The following DNAH14 variants were observed in gnomAD, a reference collection of about 807,000 sequenced individuals.
DNAH14 encodes dynein axonemal heavy chain 14.
DNAH14 carries 478 observed loss-of-function variants against 520.9 expected under a neutral mutation model. The observed-to-expected ratio is 0.92, with a 90% CI of 0.85 to 0.99. The LOEUF (loss-of-function observed/expected upper bound fraction) is 0.99. DNAH14 is among the 50% of genes least tolerant of loss of function. The probability of loss-of-function intolerance (pLI) is 0.00; values close to 1 mark genes in which losing one functional copy is unlikely to be tolerated. For synonymous variants in DNAH14, 1,581 were observed against 1,757.2 expected, an observed-to-expected ratio of 0.90 and a Z score of 2.51; for missense variants, 4,831 against 5,234.5, an observed-to-expected ratio of 0.92 and a Z score of 2.38.
chr1:225,351,917 A>AGTATG (rs1441917104), intron 72 of DNAH14, 34 bp downstream of exon 72: 51 of 1,503,802 alleles, frequency 3.4e-5, no homozygotes, highest in Non-Finnish European at 4.3e-5. Context: ...ACCTAACTTA[A>AGTATG]GTATGTGTGT....
chr1:225,351,490 T>C (rs2095366141), intron 71 of DNAH14, among the ~76,000 whole-genome samples, 157 bp from the exon 72 acceptor site: 1 of 152,220 alleles, frequency 6.6e-6, no homozygotes. Flanking sequence ...AAAGTAGCTT[T>C]TTATATTTTA....
chr1:224,931,217 G>A (rs60249755), intron 1 of DNAH14, among the ~76,000 whole-genome samples: 2 of 152,010 alleles, frequency 1.3e-5, no homozygotes, highest in Non-Finnish European at 2.9e-5. Flanking sequence ...AATAGAATAA[G>A]GATATAAAGG....
At chr1:224,929,920 A>G (rs2058565729) in intron 1 of DNAH14, 85 bp downstream of exon 1, 1 of 567,338 alleles carries the variant, frequency 1.8e-6, no homozygotes, top group Non-Finnish European at 3.1e-6. Context: ...TCGCACTGGG[A>G]GGGCTGCGTG....
At position 225,186,038 on chromosome 1, in the gene DNAH14, GTTGATTTAT is replaced by G. The variant is rs2084685643; in HGVS notation, c.5670+615_5670+623del. On this transcript the variant is annotated intron_variant, in intron 37 of 85. Transcript: ENST00000682510. ...TTAACTGATTAATGTAATAAACTAT[GTTGATTTAT>G]TAATGTTAACTTGTCTTTGAATTCC... Among the ~76,000 whole-genome samples, 3 of 135,916 alleles carry G rather than the reference GTTGATTTAT, an allele frequency of 2.2e-5. No homozygotes were observed. The South Asian group carries it at 7.2e-4, about 33-fold the overall frequency. The allele number at this position is 135,916 out of a possible 152,430, so 89.2% of individuals were successfully genotyped here.
intron 69 of DNAH14, among the ~76,000 whole-genome samples, chr1:225,345,447 A>C (rs191190201): frequency 5.7e-4 from 87 of 152,386 alleles, no homozygotes; most frequent in African/African-American, 2.0e-3. Flanking sequence ...TTTATTATCT[A>C]TACTTTCTAG....
chr1:225,342,683 AACACACACACACACACAC>A (rs10572962), intron 69 of DNAH14, among the ~76,000 whole-genome samples: 5 of 148,132 alleles, frequency 3.4e-5, no homozygotes, highest in African/African-American at 1.2e-4. Context: ...ATTTCTCATA[AACACACACACACACACAC>A]ACACACACAC....
intron 1 of DNAH14, among the ~76,000 whole-genome samples, chr1:224,933,360 T>C (rs1056325149): frequency 2.6e-5 from 4 of 152,150 alleles, no homozygotes; most frequent in Non-Finnish European, 5.9e-5. Flanking sequence ...TATAAAATCA[T>C]ATGATCAACA....
intron 37 of DNAH14, among the ~76,000 whole-genome samples, chr1:225,186,680 T>C (rs1318905883): frequency 6.6e-6 from 1 of 151,846 alleles, no homozygotes; most frequent in Non-Finnish European, 1.5e-5. Flanking sequence ...GATAGTACCA[T>C]GTATAAGAAA....
intron 1 of DNAH14, among the ~76,000 whole-genome samples, chr1:224,936,657 C>G (rs985806436): frequency 2.0e-5 from 3 of 151,872 alleles, no homozygotes; most frequent in Non-Finnish European, 4.4e-5. Flanking sequence ...ATAACTAATA[C>G]TAATCCTACT....
At chr1:224,940,246 G>T (rs2059320780) in intron 1 of DNAH14, among the ~76,000 whole-genome samples, 1 of 152,146 alleles carries the variant, frequency 6.6e-6, no homozygotes, top group Non-Finnish European at 1.5e-5. Flanking sequence ...AGTGAAACCT[G>T]GCAGGTCTCT....
At chr1:225,036,440 TAA>T (rs1220385387) in intron 11 of DNAH14, among the ~76,000 whole-genome samples, 2 of 152,140 alleles carry the variant, frequency 1.3e-5, no homozygotes, top group Non-Finnish European at 2.9e-5. Context: ...CTGCCCAGAC[TAA>T]GAGTTTTTAA....
chr1:225,177,159 A>G (rs1362499594), intron 36 of DNAH14, among the ~76,000 whole-genome samples: 3 of 152,080 alleles, frequency 2.0e-5, no homozygotes, highest in Non-Finnish European at 4.4e-5. Context: ...AGTAAAGGTG[A>G]CTCTTGTTAA....
intron 85 of DNAH14, among the ~76,000 whole-genome samples, 191 bp downstream of exon 85, chr1:225,398,857 C>G (rs1021637003): frequency 1.3e-5 from 2 of 152,148 alleles, no homozygotes; most frequent in Non-Finnish European, 2.9e-5. Context: ...ATCCCATGTT[C>G]TCAATAATAT....
chr1:225,214,248 G>C (rs1284135481), intron 41 of DNAH14, among the ~76,000 whole-genome samples: 1 of 152,160 alleles, frequency 6.6e-6, no homozygotes, highest in African/African-American at 2.4e-5. Flanking sequence ...TTGCATCCCA[G>C]GGATGAAGCC....
At position 224,941,862 on chromosome 1, in the gene DNAH14, G is replaced by A. The variant is rs529034847; in HGVS notation, c.-33-10808G>A. Among the ~76,000 whole-genome samples, 17 of 152,256 alleles carry A rather than the reference G, an allele frequency of 1.1e-4. No homozygotes were observed. In the South Asian group the frequency reaches 1.5e-3, roughly 13 times the overall value. Reference sequence around the variant, plus strand: ...CTGAGGGCTCTGTTTTGTTCCATTGGTCTATATCTCTGTTTTGGTACCAGT... The same window carrying A: ...CTGAGGGCTCTGTTTTGTTCCATTGATCTATATCTCTGTTTTGGTACCAGT... On this transcript the variant is annotated intron_variant, in intron 1 of 85. Coordinates refer to ENST00000682510, the MANE Select transcript of DNAH14 (RefSeq NM_001367479.1).
At chr1:225,345,919 T>G (rs1379551157) in intron 69 of DNAH14, 43 bp from the exon 70 acceptor site, 1 of 1,477,880 alleles carries the variant, frequency 6.8e-7, no homozygotes, top group African/African-American at 1.4e-5. Context: ...CCATTTACTG[T>G]TACAATAGTC....
intron 18 of DNAH14, among the ~76,000 whole-genome samples, chr1:225,080,145 A>G (rs1456806388): frequency 6.6e-6 from 1 of 152,180 alleles, no homozygotes; most frequent in Non-Finnish European, 1.5e-5. Context: ...GACTTTTACC[A>G]TAGGCTTCAA....
rs551481280 is a variant in DNAH14, at chr1:225,354,306, G to A, written c.11619+418G>A. ...TGTCTAATTCTAGGTTCTGTATGAG[G>A]AAGCACATTTTTGCCTCATACCTAA... On this transcript the variant is annotated intron_variant, in intron 73 of 85. Transcript: ENST00000682510. 1.4e-3 allele frequency: 999 copies of A among 699,782 alleles called. 20 individuals are homozygous for A. The South Asian group carries it at 0.015, about 10-fold the overall frequency. 43.3% of individuals were successfully genotyped at this position (699,782 alleles called of 1,614,324 possible). A position where few individuals can be genotyped will look rare whatever the true frequency, so the allele number is the denominator to read the frequency against.
At chr1:224,996,932 G>A (rs73129900) in intron 8 of DNAH14, among the ~76,000 whole-genome samples, 5,459 of 152,098 alleles carry the variant, frequency 0.036, 309 homozygotes, top group African/African-American at 0.12. Flanking sequence ...GTTATATTGC[G>A]CTGTGGTGGG....
Sources: allele counts gnomAD v4.1 joint callset (sites outside exome capture counted in the v4.1 genomes callset), GRCh38; gene constraint gnomAD v4.1.1; transcripts MANE v1.5; gene names NCBI Gene and HGNC (gene_info 2026-07-23, HGNC 2026-07-21).